The following ZNF831 variants were observed in gnomAD, a reference collection of about 807,000 sequenced individuals.
ZNF831 encodes chromosome 20 open reading frame 174.
A neutral mutation model predicts 95.8 loss-of-function variants in ZNF831; 59 were observed. That is an observed-to-expected ratio of 0.62 (90% confidence interval 0.50 to 0.77). The LOEUF (loss-of-function observed/expected upper bound fraction) is 0.77. Ranked by LOEUF, ZNF831 falls within the 30% of genes least tolerant of loss-of-function variation. ZNF831 has a pLI of 0.00. For missense variants in ZNF831, 2,205 were observed against 2,164.0 expected (o/e 1.02, Z -0.38); for synonymous variants, 961 against 925.5 (o/e 1.04, Z -0.70).
At chr20:59,189,844 C>T (rs1301450316) in intron 1 of ZNF831, among the ~76,000 whole-genome samples, 2 of 152,186 alleles carry the variant, frequency 1.3e-5, no homozygotes, top group Non-Finnish European at 2.9e-5. Context: ...TGCTTAGAAC[C>T]CCTTACTGCT....
intron 1 of ZNF831, among the ~76,000 whole-genome samples, chr20:59,176,616 A>T (rs967139471): frequency 1.3e-5 from 2 of 152,210 alleles, no homozygotes; most frequent in Non-Finnish European, 2.9e-5. Context: ...TGTAACACGC[A>T]TGTGTATTTC....
At chr20:59,170,485 C>T (rs531582963) in intron 1 of ZNF831, among the ~76,000 whole-genome samples, 62 of 152,236 alleles carry the variant, frequency 4.1e-4, no homozygotes, top group African/African-American at 1.5e-3. Flanking sequence ...ATTCCGTTGT[C>T]GTCAGAGAAC....
Position 59,193,178 on chromosome 20 carries a change from G to C in ZNF831, c.2159G>C (p.Ser720Thr), listed in dbSNP as rs778153773. The C allele has an allele frequency of 1.9e-6, 3 of 1,576,114 alleles. No individual in the cohort carries two copies. The highest frequency in any genetic ancestry group is 1.2e-5 in the South Asian group (1 of 86,702). Residue 720 changes from serine to threonine, a missense_variant, in exon 2 of 6, where the codon AGT (serine) becomes ACT (threonine). Transcript: ENST00000371030. ...GAGACGGTGGCCAGGAGAGGAGACA[G>C]TGACCGACCCAGGGTGGAAGAGGCT... The part of the protein sequence containing the change: ...HGETVARRGD[S>T]DRPRVEEAVS...
rs1021560635 is a variant in ZNF831 at position 59,187,380 on chromosome 20, G to A, written c.-36-3604G>A. Among the ~76,000 whole-genome samples the A allele has an allele frequency of 7.2e-5, 11 of 152,282 alleles. 1 individual carries two copies. Among genetic ancestry groups the A allele is most frequent in the Non-Finnish European group, 1.6e-4 (11 of 68,026 alleles). ...AGAGCTCCACTGGTCTTTCCGTGAT[G>A]TGAGGGGGCAGCAAGAAGACGGCCA... On this transcript the variant is annotated intron_variant, in intron 1 of 5. Transcript: ENST00000371030.
intron 4 of ZNF831, among the ~76,000 whole-genome samples, chr20:59,236,114 C>A (rs1461877339): frequency 2.6e-5 from 4 of 152,184 alleles, no homozygotes; most frequent in Admixed American, 6.5e-5. Flanking sequence ...GTGTGTCTGA[C>A]ATCCTCGTAA....
chr20:59,238,661 A>G (rs934544293), intron 4 of ZNF831, among the ~76,000 whole-genome samples: 9 of 152,238 alleles, frequency 5.9e-5, no homozygotes, highest in Non-Finnish European at 1.2e-4. Context: ...GGGAGACAGC[A>G]TCAAAGCTGC....
intron 4 of ZNF831, 96 bp downstream of exon 4, chr20:59,207,152 C>A: frequency 6.8e-7 from 1 of 1,475,304 alleles, no homozygotes; most frequent in Non-Finnish European, 9.1e-7. Flanking sequence ...GGAGTCAGCC[C>A]CAAGTGCCAC....
At chr20:59,126,650 T>C (rs183327423) in intron 1 of ZNF831, among the ~76,000 whole-genome samples, 2 of 152,348 alleles carry the variant, frequency 1.3e-5, no homozygotes, top group Admixed American at 1.3e-4. Context: ...TCAGCTTCCA[T>C]GGCGCCCCGT....
intron 5 of ZNF831, 21 bp from the exon 6 acceptor site, chr20:59,253,877 T>TTTCTTTTC: frequency 1.0e-6 from 1 of 979,646 alleles, no homozygotes; most frequent in South Asian, 2.1e-5. Context: ...CACTTTTTTT[T>TTTCTTTTC]TCCTTTGCAC....
intron 1 of ZNF831, among the ~76,000 whole-genome samples, chr20:59,134,683 T>C (rs1414408968): frequency 6.6e-6 from 1 of 152,222 alleles, no homozygotes; most frequent in Non-Finnish European, 1.5e-5. Flanking sequence ...CCCCATAGAC[T>C]GGCTGCGTGG....
intron 4 of ZNF831, among the ~76,000 whole-genome samples, chr20:59,237,629 C>A (rs1987075323): frequency 6.6e-6 from 1 of 152,194 alleles, no homozygotes; most frequent in African/African-American, 2.4e-5. Context: ...CCACTGTGAG[C>A]TTTGTCTGCT....
chr20:59,205,296 G>A (rs1412013457), intron 3 of ZNF831, among the ~76,000 whole-genome samples: 2 of 152,102 alleles, frequency 1.3e-5, no homozygotes, highest in African/African-American at 4.8e-5. Context: ...TTTGGTTCAG[G>A]GGTTTGTCGC....
rs1281815855 is a variant in ZNF831, at chr20:59,255,394, C to T, written c.*651C>T. 1 of 152,386 alleles carries T rather than the reference C, an allele frequency of 6.6e-6. No homozygotes were observed. Among genetic ancestry groups the T allele is most frequent in the Non-Finnish European group, 1.5e-5 (1 of 68,170 alleles). 9.4% of individuals were successfully genotyped at this position (152,386 alleles called of 1,614,324 possible). ...CTATGATCCGGTGACATGCTGATTA[C>T]TTTTAAATGTTGCACAAATGGTCAA... On this transcript the variant is annotated 3_prime_UTR_variant, in exon 6 of 6. Coordinates refer to ENST00000371030, the MANE Select transcript of ZNF831 (RefSeq NM_178457.3).
At chr20:59,222,042 T>C (rs1489734466) in intron 4 of ZNF831, among the ~76,000 whole-genome samples, 1 of 152,244 alleles carries the variant, frequency 6.6e-6, no homozygotes, top group Admixed American at 6.5e-5. Context: ...GAATCATAGT[T>C]AATGTGCGAC....
In ZNF831 at chr20:59,195,984, A is replaced by T. The variant is rs570109849; in HGVS notation, c.3854A>T (p.Lys1285Ile). Reference protein sequence around the residue: ...KMSRGNSKQRKLKINPKRYKG... With the variant: ...KMSRGNSKQRILKINPKRYKG... ...TCTCGTGGGAACAGCAAGCAGAGAAAACTGAAGATCAACCCTAAAAGGTAG... is the reference window on the plus strand; with the variant it reads ...TCTCGTGGGAACAGCAAGCAGAGAATACTGAAGATCAACCCTAAAAGGTAG... Residue 1285 changes from lysine to isoleucine, a missense_variant, in exon 3 of 6, where the codon AAA becomes ATA. Transcript: ENST00000371030. 1.7e-5 allele frequency: 28 copies of T among 1,614,102 alleles called. No homozygotes were observed. The highest frequency in any genetic ancestry group is 1.2e-5 in the Non-Finnish European group (14 of 1,179,986).
chr20:59,146,477 G>A (rs987986219), intron 2 of ZNF831: 27 of 152,256 alleles, frequency 1.8e-4, no homozygotes, highest in African/African-American at 6.0e-4. Flanking sequence ...CCTCCCGAGT[G>A]ATTCTATCAG....
chr20:59,197,398 C>T (rs1984201486), intron 3 of ZNF831, among the ~76,000 whole-genome samples: 1 of 152,130 alleles, frequency 6.6e-6, no homozygotes, highest in Non-Finnish European at 1.5e-5. Context: ...ACACAGAGAG[C>T]TTAGATAACC....
At chr20:59,186,433 T>C (rs1983045154) in intron 1 of ZNF831, among the ~76,000 whole-genome samples, 1 of 152,190 alleles carries the variant, frequency 6.6e-6, no homozygotes, top group Non-Finnish European at 1.5e-5. Context: ...AATTGAAAAC[T>C]GAAATAAATG....
intron 3 of ZNF831, among the ~76,000 whole-genome samples, chr20:59,205,164 C>G (rs1984801353): frequency 6.6e-6 from 1 of 152,192 alleles, no homozygotes; most frequent in South Asian, 2.1e-4. Flanking sequence ...GGCAGCCACC[C>G]ACTGACTTGC....
Sources: allele counts gnomAD v4.1 joint callset (sites outside exome capture counted in the v4.1 genomes callset), GRCh38; gene constraint gnomAD v4.1.1; transcripts MANE v1.5; gene names NCBI Gene and HGNC (gene_info 2026-07-23, HGNC 2026-07-21).